The following COMMD1 variants were observed in gnomAD, a reference collection of about 807,000 sequenced individuals.
COMMD1 encodes the protein copper metabolism domain containing 1.
Under a neutral mutation model 17.2 loss-of-function variants are expected in COMMD1, and 10 were observed. The observed-to-expected ratio is 0.58, with a 90% CI of 0.36 to 0.99. The LOEUF (loss-of-function observed/expected upper bound fraction) is 0.99. Among genes scored for constraint, COMMD1 ranks in the 50% least tolerant of loss-of-function variants. The pLI, the probability that COMMD1 is intolerant of heterozygous loss-of-function variation, is 0.01. For missense variants in COMMD1, 270 were observed against 231.8 expected, an observed-to-expected ratio of 1.17 and a Z score of -1.07; for synonymous variants, 97 against 91.6, an observed-to-expected ratio of 1.06 and a Z score of -0.34.
chr2:61,988,309 C>T (rs1672157730), intron 1 of COMMD1, among the ~76,000 whole-genome samples: 1 of 152,140 alleles, frequency 6.6e-6, no homozygotes, highest in Non-Finnish European at 1.5e-5. Flanking sequence ...ACTCAAGGCC[C>T]ACAGCATGTT....
intron 1 of COMMD1, among the ~76,000 whole-genome samples, chr2:61,995,665 A>G (rs1369770397): frequency 6.6e-6 from 1 of 152,134 alleles, no homozygotes; most frequent in Non-Finnish European, 1.5e-5. Flanking sequence ...CTGTGTAGTC[A>G]CTTGTGACAG....
chr2:61,946,610 TTAC>T (rs924097648), intron 1 of COMMD1, among the ~76,000 whole-genome samples: 20 of 152,170 alleles, frequency 1.3e-4, no homozygotes, highest in African/African-American at 4.8e-4. Flanking sequence ...AACTCTAGTT[TTAC>T]TACACTATTA....
chr2:62,062,192 T>C (rs1042582199), intron 2 of COMMD1, among the ~76,000 whole-genome samples: 1 of 151,794 alleles, frequency 6.6e-6, no homozygotes. Flanking sequence ...CTAAGGATAC[T>C]GAGGTGGTTG....
chr2:61,920,461 CTTACATT>C lies in COMMD1; in HGVS notation c.180+14605_180+14611del, dbSNP rs555138772. 2.5e-3 allele frequency among the ~76,000 whole-genome samples: 373 copies of C among 151,644 alleles called. 1 individual carries two copies. Among genetic ancestry groups the C allele is most frequent in the African/African-American group, 8.6e-3 (354 of 41,312 alleles). On this transcript the variant is annotated intron_variant, in intron 1 of 2. Coordinates refer to ENST00000311832, the MANE Select transcript of COMMD1 (RefSeq NM_152516.4). The stretch of plus-strand genomic sequence containing the variant: ...AATTGCTTCTGGAGACTCTCCCACA[CTTACATT>C]TCTGAGTTGGCCAAAAGTGTTCCTC...
chr2:62,110,834 A>G (rs566768515), intron 2 of COMMD1, among the ~76,000 whole-genome samples: 1 of 152,328 alleles, frequency 6.6e-6, no homozygotes, highest in African/African-American at 2.4e-5. Flanking sequence ...TGGAAATGTA[A>G]TAAGATACCT....
intron 2 of COMMD1, among the ~76,000 whole-genome samples, chr2:62,135,148 A>G (rs959682547): frequency 1.1e-4 from 16 of 152,154 alleles, no homozygotes; most frequent in African/African-American, 3.9e-4. Flanking sequence ...CTGCCTTTAT[A>G]TGGTATTTAT....
intron 2 of COMMD1, among the ~76,000 whole-genome samples, chr2:62,027,647 TTATG>T (rs1558568241): frequency 1.4e-5 from 2 of 146,852 alleles, no homozygotes; most frequent in Non-Finnish European, 2.9e-5. Context: ...TTATGTTATG[TTATG>T]TTATGTTGTG....
intron 2 of COMMD1, among the ~76,000 whole-genome samples, chr2:62,099,349 C>G (rs2122382): frequency 2.6e-5 from 4 of 151,898 alleles, no homozygotes; most frequent in Non-Finnish European, 4.4e-5. Context: ...TCGGGAGCCT[C>G]AGTTTTCTAA....
chr2:62,089,592 G>A (rs889384760), intron 2 of COMMD1, among the ~76,000 whole-genome samples: 1 of 152,078 alleles, frequency 6.6e-6, no homozygotes, highest in African/African-American at 2.4e-5. Context: ...CTGCAGGGCT[G>A]TTTTCAAGAT....
At chr2:61,936,275 C>G (rs938744617) in intron 1 of COMMD1, among the ~76,000 whole-genome samples, 1 of 152,060 alleles carries the variant, frequency 6.6e-6, no homozygotes, top group Non-Finnish European at 1.5e-5. Context: ...AATCTATACC[C>G]CAGAGTACCT....
chr2:62,099,369 C>G (rs1201498583), intron 2 of COMMD1, among the ~76,000 whole-genome samples: 1 of 152,126 alleles, frequency 6.6e-6, no homozygotes. Context: ...ATCTAGCACA[C>G]AAGAAAACCA....
rs546516494 is a variant in COMMD1, at chr2:61,927,140, C to T, written c.180+21282C>T. On this transcript the variant is annotated intron_variant, in intron 1 of 2. Transcript: ENST00000311832. ...ATTGGTCATTTCAAAAAGTTACTTT[C>T]CTTGTAAGGCAGCGATGGGGAGATA... Among the ~76,000 whole-genome samples, 23 of 152,260 alleles carry T rather than the reference C, an allele frequency of 1.5e-4. No homozygotes were observed. The East Asian group carries it at 3.7e-3, about 24-fold the overall frequency.
upstream of COMMD1, among the ~76,000 whole-genome samples, chr2:61,905,245 G>GA (rs1450332606): frequency 9.2e-5 from 14 of 152,054 alleles, no homozygotes; most frequent in African/African-American, 2.4e-5. Context: ...TAAACTTCCT[G>GA]AAAAAAAGGA....
chr2:62,104,704 T>C (rs917648669), intron 2 of COMMD1, among the ~76,000 whole-genome samples: 1 of 151,986 alleles, frequency 6.6e-6, no homozygotes, highest in African/African-American at 2.4e-5. Context: ...CTTATGTTCT[T>C]CCCACCAGCC....
At chr2:62,045,806 C>G (rs1319685396) in intron 2 of COMMD1, among the ~76,000 whole-genome samples, 27 of 141,946 alleles carry the variant, frequency 1.9e-4, no homozygotes, top group Non-Finnish European at 6.0e-5. Flanking sequence ...GGCGCCATCT[C>G]GGCCCACTGC....
At chr2:61,938,395 G>C (rs1180603834) in intron 1 of COMMD1, among the ~76,000 whole-genome samples, 2 of 152,088 alleles carry the variant, frequency 1.3e-5, no homozygotes, top group Non-Finnish European at 2.9e-5. Flanking sequence ...CGTGTGTTCA[G>C]TTCCAAAGGA....
At chr2:61,971,296 C>T (rs1558542391) in intron 1 of COMMD1, among the ~76,000 whole-genome samples, 4 of 152,224 alleles carry the variant, frequency 2.6e-5, no homozygotes, top group Non-Finnish European at 5.9e-5. Context: ...GCACCCTTTC[C>T]TCATTTGCTA....
intron 2 of COMMD1, among the ~76,000 whole-genome samples, chr2:62,132,578 G>A (rs946246893): frequency 5.9e-5 from 9 of 152,146 alleles, no homozygotes; most frequent in African/African-American, 1.9e-4. Flanking sequence ...AGACACAGTG[G>A]CTCACGCCTG....
At chr2:62,067,252 T>C (rs1017301512) in intron 2 of COMMD1, among the ~76,000 whole-genome samples, 2 of 151,710 alleles carry the variant, frequency 1.3e-5, no homozygotes, top group African/African-American at 2.4e-5. Flanking sequence ...AAAAAAATCC[T>C]AGGTTCAAGT....
Sources: allele counts gnomAD v4.1 joint callset (sites outside exome capture counted in the v4.1 genomes callset), GRCh38; gene constraint gnomAD v4.1.1; transcripts MANE v1.5; gene names NCBI Gene and HGNC (gene_info 2026-07-23, HGNC 2026-07-21).